The following SLC35F3 variants were observed in gnomAD, a reference collection of about 807,000 sequenced individuals.
The protein encoded by SLC35F3 is solute carrier family 35 member F3, also known as putative thiamine transporter SLC35F3.
In SLC35F3, 25 loss-of-function variants were observed where a neutral mutation model predicts 49.9. The ratio of observed to expected loss-of-function variants is 0.50; its 90% confidence interval spans 0.37 to 0.70. SLC35F3 has a LOEUF of 0.70. Ranked by LOEUF, SLC35F3 falls within the 30% of genes least tolerant of loss-of-function variation. The probability of loss-of-function intolerance (pLI) is 0.00; values close to 1 mark genes in which losing one functional copy is unlikely to be tolerated. For synonymous variants in SLC35F3, 275 were observed against 265.4 expected, an observed-to-expected ratio of 1.04 and a Z score of -0.35; for missense variants, 525 against 639.8, an observed-to-expected ratio of 0.82 and a Z score of 1.94.
chr1:234,188,237 C>CAA (rs112150679), intron 2 of SLC35F3, among the ~76,000 whole-genome samples: 122 of 119,304 alleles, frequency 1.0e-3, no homozygotes, highest in African/African-American at 3.2e-3. Flanking sequence ...AACTCCGCCT[C>CAA]AAAAAAAAAA....
intron 2 of SLC35F3, among the ~76,000 whole-genome samples, chr1:234,056,340 A>G (rs1243390476): frequency 6.6e-6 from 1 of 152,058 alleles, no homozygotes; most frequent in African/African-American, 2.4e-5. Context: ...ATTTTCTTCT[A>G]CATCTTGAAA....
At chr1:234,211,101 T>C (rs1311148675) in intron 2 of SLC35F3, among the ~76,000 whole-genome samples, 1 of 152,248 alleles carries the variant, frequency 6.6e-6, no homozygotes, top group African/African-American at 2.4e-5. Flanking sequence ...CCCCAAGCCT[T>C]GGCAATTTCC....
At chr1:233,913,115 A>C (rs1330789759) in intron 2 of SLC35F3, among the ~76,000 whole-genome samples, 2 of 152,200 alleles carry the variant, frequency 1.3e-5, no homozygotes, top group Non-Finnish European at 2.9e-5. Flanking sequence ...TTCTCATATC[A>C]GTGAGTTCAT....
At chr1:233,970,245 G>A (rs1662971158) in intron 2 of SLC35F3, among the ~76,000 whole-genome samples, 1 of 152,158 alleles carries the variant, frequency 6.6e-6, no homozygotes, top group Non-Finnish European at 1.5e-5. Flanking sequence ...CCTTCTGGGG[G>A]TCTTGGGAAA....
chr1:234,238,364 G>A (rs980096606), intron 3 of SLC35F3, among the ~76,000 whole-genome samples: 2 of 152,162 alleles, frequency 1.3e-5, no homozygotes. Flanking sequence ...AATGGGCACC[G>A]GTGTCAGCAA....
intron 2 of SLC35F3, among the ~76,000 whole-genome samples, chr1:234,001,841 T>C (rs950038130): frequency 3.3e-5 from 5 of 152,236 alleles, no homozygotes; most frequent in Admixed American, 2.6e-4. Flanking sequence ...TGCAGGGAAA[T>C]ATGCACTGAA....
intron 2 of SLC35F3, among the ~76,000 whole-genome samples, chr1:234,003,185 C>T (rs1049858620): frequency 2.0e-5 from 3 of 147,790 alleles, no homozygotes; most frequent in Admixed American, 6.8e-5. Context: ...CCATTGGTAA[C>T]AATGTTTTTA....
chr1:234,318,269 C>T (rs1272300648), intron 5 of SLC35F3, among the ~76,000 whole-genome samples: 1 of 152,182 alleles, frequency 6.6e-6, no homozygotes, highest in Non-Finnish European at 1.5e-5. Context: ...CACTAAAACC[C>T]ATGCCATTTC....
chr1:234,188,501 G>A (rs866627533), intron 2 of SLC35F3, among the ~76,000 whole-genome samples: 1 of 152,002 alleles, frequency 6.6e-6, no homozygotes, highest in Non-Finnish European at 1.5e-5. Context: ...CAATTCTATT[G>A]ACCTGGAACC....
chr1:234,005,851 G>T (rs954718685), intron 2 of SLC35F3, among the ~76,000 whole-genome samples: 2 of 152,138 alleles, frequency 1.3e-5, no homozygotes, highest in Non-Finnish European at 1.5e-5. Flanking sequence ...AAGCATTAGA[G>T]GCAGGACTCT....
chr1:233,951,628 A>T (rs919893008), intron 2 of SLC35F3, among the ~76,000 whole-genome samples: 10 of 152,172 alleles, frequency 6.6e-5, no homozygotes, highest in Admixed American at 6.5e-4. Flanking sequence ...AGCAGTATTT[A>T]ACTAGGATGT....
At chr1:233,930,104 C>T (rs1031379662) in intron 2 of SLC35F3, among the ~76,000 whole-genome samples, 1 of 151,166 alleles carries the variant, frequency 6.6e-6, no homozygotes, top group African/African-American at 2.4e-5. Flanking sequence ...AGCTATGATT[C>T]TGCTATTGTA....
At chr1:234,056,044 A>G (rs1007566877) in intron 2 of SLC35F3, among the ~76,000 whole-genome samples, 2 of 152,068 alleles carry the variant, frequency 1.3e-5, no homozygotes, top group African/African-American at 4.8e-5. Context: ...TTAAGTCTTC[A>G]TTAAATTTTT....
intron 2 of SLC35F3, among the ~76,000 whole-genome samples, chr1:233,913,400 C>T (rs1228715372): frequency 6.6e-6 from 1 of 152,206 alleles, no homozygotes; most frequent in African/African-American, 2.4e-5. Flanking sequence ...TTACTGATTA[C>T]AGGAGGTGCT....
chr1:234,151,985 C>CT (rs1244015576), intron 2 of SLC35F3, among the ~76,000 whole-genome samples: 5 of 140,498 alleles, frequency 3.6e-5, no homozygotes, highest in Non-Finnish European at 6.0e-5. Flanking sequence ...GTCACCTTCT[C>CT]TCCCTTTTTT....
At chr1:234,022,444 C>T (rs1572022798) in intron 2 of SLC35F3, among the ~76,000 whole-genome samples, 1 of 140,034 alleles carries the variant, frequency 7.1e-6, no homozygotes, top group East Asian at 2.0e-4. Context: ...AGGCAGAATT[C>T]CCTCTTCCTT....
At chr1:234,183,804 G>T (rs989225890) in intron 2 of SLC35F3, among the ~76,000 whole-genome samples, 4 of 142,648 alleles carry the variant, frequency 2.8e-5, no homozygotes, top group African/African-American at 7.3e-5. Context: ...AAAATACCAC[G>T]CTGTGGACCC....
intron 2 of SLC35F3, among the ~76,000 whole-genome samples, chr1:233,919,830 C>T (rs1662030930): frequency 6.6e-6 from 1 of 152,112 alleles, no homozygotes; most frequent in African/African-American, 2.4e-5. Flanking sequence ...GAGGGCTGCT[C>T]TGGAGGAAGT....
chr1:234,134,270 A>G (rs972454321), intron 2 of SLC35F3, among the ~76,000 whole-genome samples: 2 of 148,846 alleles, frequency 1.3e-5, no homozygotes, highest in African/African-American at 4.9e-5. Context: ...TATATAATTA[A>G]TTATATATTA....
Sources: gnomAD v4.1 joint callset for allele counts (sites outside exome capture counted in the v4.1 genomes callset) on GRCh38, gnomAD v4.1.1 for gene constraint, MANE v1.5 for transcripts, NCBI Gene and HGNC (gene_info 2026-07-23, HGNC 2026-07-21) for gene names.